NSUN6: variants seen among roughly 807,000 people sequenced by gnomAD.
NSUN6 encodes tRNA (cytosine(72)-C(5))-methyltransferase NSUN6.
In NSUN6, 64 loss-of-function variants were observed where a neutral mutation model predicts 58.0. The ratio of observed to expected loss-of-function variants is 1.10; its 90% CI spans 0.90 to 1.36. The LOEUF (loss-of-function observed/expected upper bound fraction) is 1.36. NSUN6 is among the 40% of genes most tolerant of loss of function. The pLI is 0.00. For synonymous variants in NSUN6, 231 were observed against 193.9 expected (o/e 1.19, Z -1.59); for missense variants, 701 against 550.1 (o/e 1.27, Z -2.74).
chr10:18,574,519 C>G (rs2056554554), intron 8 of NSUN6, among the ~76,000 whole-genome samples: 1 of 152,120 alleles, frequency 6.6e-6, no homozygotes, highest in Non-Finnish European at 1.5e-5. Context: ...CTGGATGGCA[C>G]TTATTCATAG....
upstream of NSUN6, chr10:18,651,852 G>C: frequency 2.0e-6 from 2 of 985,478 alleles, no homozygotes; most frequent in Non-Finnish European, 2.4e-6. Context: ...CTAGGTGCCA[G>C]GGGCAATGGG....
At chr10:18,564,510 A>T (rs370232838) in intron 8 of NSUN6, among the ~76,000 whole-genome samples, 1 of 143,236 alleles carries the variant, frequency 7.0e-6, no homozygotes, top group African/African-American at 2.6e-5. Context: ...CTTTCATTCC[A>T]TTCTCCACTC....
At chr10:18,618,391 A>G (rs911819729) in intron 3 of NSUN6, among the ~76,000 whole-genome samples, 1 of 152,168 alleles carries the variant, frequency 6.6e-6, no homozygotes, top group African/African-American at 2.4e-5. Flanking sequence ...CATTAAAAAT[A>G]TAAATGCTGG....
chr10:18,545,626 C>T lies in NSUN6; in HGVS notation c.*307G>A, dbSNP rs2054206887. On this transcript the variant is annotated 3_prime_UTR_variant, in exon 11 of 11. Coordinates refer to ENST00000377304, the MANE Select transcript of NSUN6 (RefSeq NM_182543.5). The stretch of plus-strand genomic sequence containing the variant: ...TTTTTAACATTAAAAATGACTTGTA[C>T]ACTTTACAAATTAAAACATTAGATC... 1.5e-5 allele frequency: 3 copies of T among 206,820 alleles called. 1 individual carries two copies. Among genetic ancestry groups the T allele is most frequent in the South Asian group, 2.1e-4 (2 of 9,524 alleles). The allele number at this position is 206,820 out of a possible 1,614,324, so 12.8% of individuals were successfully genotyped here.
intron 3 of NSUN6, among the ~76,000 whole-genome samples, chr10:18,624,400 G>C (rs1031403530): frequency 6.6e-6 from 1 of 152,028 alleles, no homozygotes; most frequent in African/African-American, 2.4e-5. Flanking sequence ...AATGGGCTGG[G>C]TGCGGTGGCT....
In NSUN6 at chr10:18,547,888, T is replaced by C. The variant is rs143843865; in HGVS notation, c.1197+224A>G. Reference sequence around the variant, plus strand: ...ACATAACAAAAACACTCCCAAGCTCTGTGCCATTTTAACACAATGGCAGGA... The same window carrying C: ...ACATAACAAAAACACTCCCAAGCTCCGTGCCATTTTAACACAATGGCAGGA... On this transcript the variant is annotated intron_variant, in intron 10 of 10. Transcript: ENST00000377304. Among the ~76,000 whole-genome samples the C allele has an allele frequency of 8.4e-3, 1,282 of 152,312 alleles. 9 individuals are homozygous for C. Among genetic ancestry groups the C allele is most frequent in the Non-Finnish European group, 0.012 (847 of 68,024 alleles).
upstream of NSUN6, among the ~76,000 whole-genome samples, chr10:18,655,932 T>A (rs1266178605): frequency 1.3e-5 from 2 of 152,194 alleles, no homozygotes; most frequent in Non-Finnish European, 1.5e-5. Context: ...ATGACCAAAG[T>A]CATAGACCTA....
intron 9 of NSUN6, among the ~76,000 whole-genome samples, chr10:18,550,376 A>G (rs1030558238): frequency 4.6e-5 from 7 of 152,208 alleles, no homozygotes; most frequent in African/African-American, 1.7e-4. Flanking sequence ...ATGAAAGGAA[A>G]CACCAGGAGA....
chr10:18,590,003 C>T (rs182001674), intron 7 of NSUN6, among the ~76,000 whole-genome samples: 10 of 152,072 alleles, frequency 6.6e-5, no homozygotes, highest in Admixed American at 1.3e-4. Context: ...GTGCTGTATT[C>T]GGGAGACCCA....
At chr10:18,548,289 T>C (rs564756431) in intron 9 of NSUN6, 52 bp from the exon 10 acceptor site, 3 of 1,513,654 alleles carry the variant, frequency 2.0e-6, no homozygotes, top group South Asian at 1.2e-5. Flanking sequence ...GATAAACATA[T>C]GAATGAATTT....
At chr10:18,601,217 G>C (rs935217360) in intron 6 of NSUN6, among the ~76,000 whole-genome samples, 2 of 151,744 alleles carry the variant, frequency 1.3e-5, no homozygotes, top group African/African-American at 4.8e-5. Context: ...AGCTGGCATA[G>C]ATTCCTAGAA....
intron 7 of NSUN6, among the ~76,000 whole-genome samples, chr10:18,592,863 A>T (rs1306214943): frequency 6.6e-6 from 1 of 152,240 alleles, no homozygotes; most frequent in African/African-American, 2.4e-5. Context: ...GACAAATGGG[A>T]TCTAATTAAA....
intron 8 of NSUN6, among the ~76,000 whole-genome samples, chr10:18,571,764 A>T (rs1412032232): frequency 6.8e-6 from 1 of 147,800 alleles, no homozygotes; most frequent in Non-Finnish European, 1.5e-5. Flanking sequence ...ATTCTGTTCC[A>T]TTCTCCATTC....
At chr10:18,581,623 G>A (rs866480205) in intron 8 of NSUN6, among the ~76,000 whole-genome samples, 1 of 152,102 alleles carries the variant, frequency 6.6e-6, no homozygotes, top group African/African-American at 2.4e-5. Flanking sequence ...TCAAGAGATC[G>A]AGATCATCGT....
At chr10:18,554,351 G>A (rs1193403789) in intron 8 of NSUN6, among the ~76,000 whole-genome samples, 2 of 150,806 alleles carry the variant, frequency 1.3e-5, no homozygotes, top group Non-Finnish European at 3.0e-5. Flanking sequence ...AATGGAGAGT[G>A]AACTGGAATG....
intron 2 of NSUN6, among the ~76,000 whole-genome samples, chr10:18,647,197 A>C (rs1341759998): frequency 6.6e-6 from 1 of 152,192 alleles, no homozygotes; most frequent in Non-Finnish European, 1.5e-5. Context: ...ATTTTTTAAA[A>C]GGGGATAAGT....
At chr10:18,640,642 A>G (rs1382826499) in intron 3 of NSUN6, among the ~76,000 whole-genome samples, 1 of 152,142 alleles carries the variant, frequency 6.6e-6, no homozygotes, top group East Asian at 1.9e-4. Flanking sequence ...TTTCTGGGAT[A>G]ATGGAAATGC....
chr10:18,591,107 C>G (rs911148137), intron 7 of NSUN6, among the ~76,000 whole-genome samples: 1 of 151,976 alleles, frequency 6.6e-6, no homozygotes, highest in Non-Finnish European at 1.5e-5. Flanking sequence ...TACTATAAAC[C>G]CCTCCATGCA....
rs563070186 is a variant in NSUN6, at chr10:18,587,281, A to T, written c.778-1188T>A. On this transcript the variant is annotated intron_variant, in intron 7 of 10. Transcript: ENST00000377304. ...TTAAAGTGCTTTGAGATGCAAATGA[A>T]TGTTACTTGTATGACTGGTCATTTT... is the stretch of plus-strand genomic sequence containing the variant. Among the ~76,000 whole-genome samples the T allele has an allele frequency of 4.6e-4, 70 of 152,314 alleles. No individual in the cohort carries two copies. The South Asian group carries it at 0.014, about 31-fold the overall frequency.
Sources: allele counts gnomAD v4.1 joint callset (sites outside exome capture counted in the v4.1 genomes callset), GRCh38; gene constraint gnomAD v4.1.1; transcripts MANE v1.5; gene names NCBI Gene and HGNC (gene_info 2026-07-23, HGNC 2026-07-21).